CFI: variants seen among roughly 807,000 people sequenced by gnomAD.
CFI encodes C3B/C4B inactivator.
In CFI, 66 loss-of-function variants were observed where a neutral mutation model predicts 78.8. The ratio of observed to expected loss-of-function variants is 0.84; its 90% confidence interval spans 0.69 to 1.03. The LOEUF (loss-of-function observed/expected upper bound fraction) is 1.03. Among genes scored for constraint, CFI ranks in the 50% least tolerant of loss-of-function variants. The probability of loss-of-function intolerance (pLI) is 0.00; values close to 1 mark genes in which losing one functional copy is unlikely to be tolerated. For synonymous variants in CFI, 250 were observed against 232.6 expected, an observed-to-expected ratio of 1.07 and a Z score of -0.68; for missense variants, 706 against 704.5, an observed-to-expected ratio of 1.00 and a Z score of -0.02.
intron 1 of CFI, among the ~76,000 whole-genome samples, chr4:109,788,753 A>G (rs543465962): frequency 1.6e-4 from 25 of 152,242 alleles, no homozygotes; most frequent in African/African-American, 5.3e-4. Flanking sequence ...ATTCAGATAT[A>G]TAATCAAATC....
intron 1 of CFI, among the ~76,000 whole-genome samples, chr4:109,791,535 T>C (rs1560566758): frequency 6.6e-6 from 1 of 152,196 alleles, no homozygotes; most frequent in Non-Finnish European, 1.5e-5. Context: ...TCCAGAATAG[T>C]ATTGCCTAGG....
At chr4:109,753,082 T>A (rs1383074092) in intron 7 of CFI, among the ~76,000 whole-genome samples, 2 of 110,604 alleles carry the variant, frequency 1.8e-5, no homozygotes, top group African/African-American at 7.5e-5. Context: ...ATTTATAATA[T>A]ATATTTATTA....
chr4:109,761,672 C>A lies in CFI; in HGVS notation c.503G>T (p.Arg168Met). Residue 168 changes from arginine to methionine, a missense_variant, in exon 4 of 13, where the codon AGG (arginine) becomes ATG (methionine). Coordinates refer to ENST00000394634, the MANE Select transcript of CFI (RefSeq NM_000204.5). The stretch of plus-strand genomic sequence containing the variant: ...TATAGAGAGATCAGACAACTTAAAC[C>A]TTCTTTGAGTATCAGCACCTCTGCA... ...GFQQGADTQR[R>M]FKLSDLSINS... The A allele has an allele frequency of 1.2e-6, 2 of 1,612,570 alleles. No individual in the cohort carries two copies. The highest frequency in any genetic ancestry group is 1.7e-6 in the Non-Finnish European group (2 of 1,178,860).
At chr4:109,740,586 G>C (rs370000652), downstream of CFI, 1 of 382,002 alleles carries the variant, frequency 2.6e-6, no homozygotes. Context: ...GCTGGGATTT[G>C]AACCCAACCT....
chr4:109,786,323 A>T (rs916387986), intron 1 of CFI, among the ~76,000 whole-genome samples: 1 of 152,074 alleles, frequency 6.6e-6, no homozygotes, highest in African/African-American at 2.4e-5. Flanking sequence ...GAGCCACCAC[A>T]TCCAGCCTAA....
chr4:109,786,191 C>T (rs909246496), intron 1 of CFI, among the ~76,000 whole-genome samples: 6 of 151,824 alleles, frequency 4.0e-5, no homozygotes, highest in East Asian at 1.9e-4. Flanking sequence ...CCACCATGCC[C>T]GGCTAATTTT....
At chr4:109,756,977 G>GAAAGAAAGAAAGAAAGAAAT (rs1380821599) in intron 7 of CFI, among the ~76,000 whole-genome samples, 2 of 141,044 alleles carry the variant, frequency 1.4e-5, no homozygotes, top group African/African-American at 2.6e-5. Context: ...AAGAAAGAAA[G>GAAAGAAAGAAAGAAAGAAAT]AAATTCTGAG....
At chr4:109,750,798 G>A (rs577183933) in intron 8 of CFI, among the ~76,000 whole-genome samples, 1 of 152,164 alleles carries the variant, frequency 6.6e-6, no homozygotes. Context: ...AGAAAGAGCC[G>A]TTGTTGTATG....
rs76991224 is a variant in CFI at position 109,741,297 on chromosome 4, C to T, written c.1535-187G>A. On this transcript the variant is annotated intron_variant, in intron 12 of 12. Coordinates refer to ENST00000394634, the MANE Select transcript of CFI (RefSeq NM_000204.5). ...GAGATGCAGCTTGGAAAATTCTTTA[C>T]GAGTCTTCTATTTATTCCCCCAATT... 958 of 985,404 alleles carry T rather than the reference C, an allele frequency of 9.7e-4. 11 individuals carry two copies. In the African/African-American group the frequency reaches 0.015, roughly 16 times the overall value. The allele number at this position is 985,404 out of a possible 1,614,324, so 61.0% of individuals were successfully genotyped here. A position where few individuals can be genotyped will look rare whatever the true frequency, so the allele number is the denominator to read the frequency against.
chr4:109,800,055 G>GTT lies in CFI; in HGVS notation c.57+1858_57+1859dup, dbSNP rs1553919505. Among the ~76,000 whole-genome samples the GTT allele has an allele frequency of 0.012, 1,753 of 147,894 alleles. 91 individuals are homozygous for GTT. The East Asian group carries it at 0.13, about 11-fold the overall frequency. On this transcript the variant is annotated intron_variant, in intron 1 of 12. Coordinates refer to ENST00000394634, the MANE Select transcript of CFI (RefSeq NM_000204.5). ...TGGTTTCTGTAGAAATGGATTTTTG[G>GTT]TTTTTGGTTTTGGTGGATCTGCCTA...
rs186965811 is a variant in CFI, at chr4:109,792,587, C to A, written c.57+9328G>T. ...AAAACAAAAACAAAAACAAACCCAC[C>A]CCCCCCAAAACAAGAATTGTCTGTT... On this transcript the variant is annotated intron_variant, in intron 1 of 12. Transcript: ENST00000394634. 3.6e-3 allele frequency among the ~76,000 whole-genome samples: 552 copies of A among 151,896 alleles called. 6 individuals are homozygous for A. Among genetic ancestry groups the A allele is most frequent in the African/African-American group, 0.013 (519 of 41,466 alleles).
At chr4:109,785,610 A>AGCT (rs1291903114) in intron 1 of CFI, among the ~76,000 whole-genome samples, 1 of 151,886 alleles carries the variant, frequency 6.6e-6, no homozygotes, top group African/African-American at 2.4e-5. Context: ...CATCTCCTCT[A>AGCT]GCTGCTGCTG....
chr4:109,737,270 A>G (rs1050986009), downstream of CFI, among the ~76,000 whole-genome samples: 2 of 151,848 alleles, frequency 1.3e-5, no homozygotes, highest in Admixed American at 1.3e-4. Flanking sequence ...CCTTAGCTGC[A>G]CCCTGGGCTC....
At chr4:109,737,230 C>G (rs1345659946), downstream of CFI, among the ~76,000 whole-genome samples, 1 of 152,136 alleles carries the variant, frequency 6.6e-6, no homozygotes, top group Non-Finnish European at 1.5e-5. Context: ...ATGAGGCTCT[C>G]CCTGGTATGG....
At position 109,746,432 on chromosome 4, in the gene CFI, T is replaced by G; in HGVS notation, c.1219A>C (p.Ile407Leu). ...VDWIHPDLKR[I>L]VIEYVDRIIF... is the part of the protein sequence containing the mutation. ...ATTCTATCCACGTATTCAATTACTA[T>G]ACGTTTAAGGTCGGGGTGTATCCAG... The change falls in exon 11 of 13, where the codon ATA becomes CTA. Residue 407 changes from isoleucine to leucine, a missense_variant. By Grantham distance (5) the Ile-to-Leu change is conservative. Coordinates refer to ENST00000394634, the MANE Select transcript of CFI (RefSeq NM_000204.5). 6.2e-7 allele frequency: 1 copy of G among 1,613,980 alleles called. No individual in the cohort carries two copies. The highest frequency in any genetic ancestry group is 1.1e-5 in the South Asian group (1 of 91,082).
downstream of CFI, among the ~76,000 whole-genome samples, chr4:109,737,021 C>G (rs1579140519): frequency 6.6e-6 from 1 of 152,212 alleles, no homozygotes; most frequent in East Asian, 1.9e-4. Flanking sequence ...CAAATGCCAT[C>G]TATTTCACTC....
chr4:109,791,103 A>G (rs1731321643), intron 1 of CFI, among the ~76,000 whole-genome samples: 1 of 152,138 alleles, frequency 6.6e-6, no homozygotes, highest in Non-Finnish European at 1.5e-5. Flanking sequence ...CAACCTCGAC[A>G]GCATGTTATT....
intron 11 of CFI, among the ~76,000 whole-genome samples, chr4:109,745,974 C>A (rs564167687): frequency 7.9e-5 from 12 of 152,236 alleles, no homozygotes; most frequent in South Asian, 4.1e-4. Context: ...GGGGCCATTT[C>A]AAAAATTATG....
At chr4:109,791,403 C>T (rs1032800235) in intron 1 of CFI, among the ~76,000 whole-genome samples, 2 of 151,980 alleles carry the variant, frequency 1.3e-5, no homozygotes, top group East Asian at 3.9e-4. Flanking sequence ...TCTGTTCACT[C>T]TGCTGATAAT....
Sources: gnomAD v4.1 joint callset for allele counts (sites outside exome capture counted in the v4.1 genomes callset) on GRCh38, gnomAD v4.1.1 for gene constraint, MANE v1.5 for transcripts, NCBI Gene and HGNC (gene_info 2026-07-23, HGNC 2026-07-21) for gene names.